The following PGAP1 variants were observed in gnomAD, a reference collection of about 807,000 sequenced individuals.
The protein encoded by PGAP1 is GPI inositol-deacylase.
In PGAP1, 76 loss-of-function variants were observed where a neutral mutation model predicts 127.0. That is an observed-to-expected ratio of 0.60 (90% confidence interval 0.50 to 0.72). The LOEUF is 0.72. Among genes scored for constraint, PGAP1 ranks in the 30% least tolerant of loss-of-function variants. The probability of loss-of-function intolerance (pLI) is 0.00; values close to 1 mark genes in which losing one functional copy is unlikely to be tolerated. For synonymous variants in PGAP1, 362 were observed against 366.5 expected (o/e 0.99, Z 0.14); for missense variants, 982 against 1,071.3 (o/e 0.92, Z 1.16).
At position 196,926,493 on chromosome 2, in the gene PGAP1, T is replaced by G. The variant is rs772948939; in HGVS notation, c.124A>C (p.Met42Leu). Residue 42 changes from methionine to leucine, a missense_variant, in exon 1 of 27, where the codon ATG (methionine) becomes CTG (leucine). Transcript: ENST00000354764. ...ACCTGATACTCCGGGTACTCAAACA[T>G]GTAGCTCATACTGCACTTATTCTCC... ...FEENKCSMSY[M>L]FEYPEYQKIE... 15 of 1,614,062 alleles carry G rather than the reference T, an allele frequency of 9.3e-6. No homozygotes were observed. The highest frequency in any genetic ancestry group is 1.3e-5 in the Non-Finnish European group (15 of 1,179,992).
chr2:196,920,260 A>G, intron 1 of PGAP1, 110 bp from the exon 2 acceptor site: 1 of 900,152 alleles, frequency 1.1e-6, no homozygotes, highest in South Asian at 2.0e-5. Flanking sequence ...ATATAAAAAT[A>G]TTACTGATAT....
At chr2:196,849,398 G>C (rs1415601500) in intron 20 of PGAP1, among the ~76,000 whole-genome samples, 2 of 151,292 alleles carry the variant, frequency 1.3e-5, no homozygotes, top group African/African-American at 4.9e-5. Context: ...CGAGTAGCTG[G>C]GACTACAGGC....
At chr2:196,887,551 T>C (rs1439906213) in intron 10 of PGAP1, among the ~76,000 whole-genome samples, 1 of 152,156 alleles carries the variant, frequency 6.6e-6, no homozygotes, top group African/African-American at 2.4e-5. Context: ...CTCACATAGC[T>C]ACATAAATTT....
intron 5 of PGAP1, 149 bp downstream of exon 5, chr2:196,902,436 C>A: frequency 3.8e-6 from 2 of 530,148 alleles, no homozygotes. Context: ...CTCTCTTTCC[C>A]TCTCTCTCTT....
intron 4 of PGAP1, among the ~76,000 whole-genome samples, chr2:196,911,230 G>T (rs1270947299): frequency 2.5e-4 from 1 of 3,938 alleles, no homozygotes. Flanking sequence ...TGATAGACTG[G>T]ATTAAGAAAA....
chr2:196,873,913 C>A, intron 14 of PGAP1, 155 bp from the exon 15 acceptor site: 1 of 532,320 alleles, frequency 1.9e-6, no homozygotes, highest in Non-Finnish European at 3.3e-6. Context: ...ATCTAATCTC[C>A]CAGCAATAAA....
chr2:196,849,901 A>G (rs1700668622), intron 20 of PGAP1, among the ~76,000 whole-genome samples: 1 of 152,154 alleles, frequency 6.6e-6, no homozygotes, highest in Admixed American at 6.5e-5. Flanking sequence ...CCATTGTACT[A>G]CAGTTTCTAC....
At chr2:196,926,264 C>A (rs532911433) in intron 1 of PGAP1, among the ~76,000 whole-genome samples, 1 of 151,388 alleles carries the variant, frequency 6.6e-6, no homozygotes, top group South Asian at 2.1e-4. Flanking sequence ...CTAACAAACA[C>A]CCCACCGTGA....
Position 196,904,160 on chromosome 2 carries a change from G to C in PGAP1, c.650-1418C>G, listed in dbSNP as rs1446743780. On this transcript the variant is annotated intron_variant, in intron 4 of 26. Transcript: ENST00000354764. The stretch of plus-strand genomic sequence containing the variant: ...ATCATTGAAATAACCTGGAAGGCCA[G>C]GTTCAAATTAAGAATTCTCAGACAC... Among the ~76,000 whole-genome samples, 4 of 152,310 alleles carry C rather than the reference G, an allele frequency of 2.6e-5. No individual in the cohort carries two copies. The East Asian group carries it at 5.8e-4, about 22-fold the overall frequency.
At chr2:196,861,669 G>T (rs1402986627) in intron 20 of PGAP1, among the ~76,000 whole-genome samples, 1 of 152,106 alleles carries the variant, frequency 6.6e-6, no homozygotes, top group Non-Finnish European at 1.5e-5. Context: ...AACCCTGTCT[G>T]TTGTGGGAAG....
chr2:196,885,816 T>A lies in PGAP1; in HGVS notation c.1220+18A>T, dbSNP rs1156505680. ...TTGTTTATGTTGAGATAAATGAACA[T>A]GCATTCAAAAGACTTACCACATAGA... is the stretch of plus-strand genomic sequence containing the variant. On this transcript the variant is annotated intron_variant, in intron 11 of 26. Coordinates refer to ENST00000354764, the MANE Select transcript of PGAP1 (RefSeq NM_024989.4). 1 of 1,391,222 alleles carries A rather than the reference T, an allele frequency of 7.2e-7. No homozygotes were observed. Among genetic ancestry groups the A allele is most frequent in the East Asian group, 2.7e-5 (1 of 37,412 alleles). The allele number at this position is 1,391,222 out of a possible 1,614,324, so 86.2% of individuals were successfully genotyped here.
intron 4 of PGAP1, among the ~76,000 whole-genome samples, chr2:196,911,606 T>TAAAAAAAAAAAAA (rs56107551): frequency 1.3e-5 from 1 of 77,294 alleles, no homozygotes; most frequent in Non-Finnish European, 2.4e-5. Flanking sequence ...TAGAGTATAA[T>TAAAAAAAAAAAAA]AAAAAAAAAA....
chr2:196,873,487 A>G (rs1223775149), intron 16 of PGAP1, 41 bp downstream of exon 16: 1 of 1,470,618 alleles, frequency 6.8e-7, no homozygotes, highest in Middle Eastern at 2.4e-4. Flanking sequence ...TCTTCAAATG[A>G]CAATATTATT....
chr2:196,926,637 C>T lies in PGAP1; in HGVS notation c.-21G>A, dbSNP rs1703373847. On this transcript the variant is annotated 5_prime_UTR_variant, in exon 1 of 27. Coordinates refer to ENST00000354764, the MANE Select transcript of PGAP1 (RefSeq NM_024989.4). Reference sequence around the variant, plus strand: ...AACATGGTGCCGCCACCACCGCCGCCGCCGCCGCCGCCCCCTCTACCTCCT... The same window carrying T: ...AACATGGTGCCGCCACCACCGCCGCTGCCGCCGCCGCCCCCTCTACCTCCT... 3.7e-6 allele frequency: 6 copies of T among 1,612,954 alleles called. No homozygotes were observed. The highest frequency in any genetic ancestry group is 1.7e-5 in the Admixed American group (1 of 59,990).
chr2:196,870,623 ATTTG>A (rs747130068), intron 19 of PGAP1, among the ~76,000 whole-genome samples: 10 of 152,224 alleles, frequency 6.6e-5, no homozygotes, highest in Non-Finnish European at 1.2e-4. Context: ...AAAAATATTA[ATTTG>A]TTTGAGAATC....
At chr2:196,900,703 A>G (rs1328914168) in intron 5 of PGAP1, among the ~76,000 whole-genome samples, 2 of 152,164 alleles carry the variant, frequency 1.3e-5, no homozygotes, top group Non-Finnish European at 2.9e-5. Context: ...AGGCAGGTGA[A>G]CCACGAGGTC....
intron 12 of PGAP1, among the ~76,000 whole-genome samples, chr2:196,881,123 T>C (rs332294): frequency 0.11 from 17,401 of 152,212 alleles, 1,020 homozygotes; most frequent in Middle Eastern, 0.13. Flanking sequence ...ATGCAGCATT[T>C]GGTTTTCTCT....
intron 7 of PGAP1, among the ~76,000 whole-genome samples, 164 bp downstream of exon 7, chr2:196,896,967 G>A (rs915631819): frequency 4.0e-5 from 6 of 151,486 alleles, no homozygotes; most frequent in East Asian, 1.9e-4. Flanking sequence ...AAAGTATTAT[G>A]AGAAAAAAAG....
intron 9 of PGAP1, among the ~76,000 whole-genome samples, chr2:196,891,861 A>G (rs1024836683): frequency 6.6e-6 from 1 of 152,136 alleles, no homozygotes; most frequent in African/African-American, 2.4e-5. Context: ...TAGCAAAAAC[A>G]AAAACAAAAC....
Sources: gnomAD v4.1 joint callset for allele counts (sites outside exome capture counted in the v4.1 genomes callset) on GRCh38, gnomAD v4.1.1 for gene constraint, MANE v1.5 for transcripts, NCBI Gene and HGNC (gene_info 2026-07-23, HGNC 2026-07-21) for gene names.